SGK3: variants seen among roughly 807,000 people sequenced by gnomAD.
The protein encoded by SGK3 is serine/threonine-protein kinase Sgk3.
SGK3 carries 47 observed loss-of-function variants against 68.5 expected under a neutral mutation model. That is an observed-to-expected ratio of 0.69 (90% confidence interval 0.54 to 0.87). SGK3 has a LOEUF of 0.87. Among genes scored for constraint, SGK3 ranks in the 40% least tolerant of loss-of-function variants. The pLI, the probability that SGK3 is intolerant of heterozygous loss-of-function variation, is 0.00. For missense variants in SGK3, 479 were observed against 575.5 expected, an observed-to-expected ratio of 0.83 and a Z score of 1.72; for synonymous variants, 181 against 189.1, an observed-to-expected ratio of 0.96 and a Z score of 0.35.
chr8:66,717,234 A>C (rs992921694), intron 1 of SGK3, among the ~76,000 whole-genome samples: 7 of 116,622 alleles, frequency 6.0e-5, no homozygotes, highest in Admixed American at 4.0e-4. Context: ...AAAACAAAAA[A>C]AACAAAAAAA....
At chr8:66,788,118 G>A (rs1435724048) in intron 1 of SGK3, among the ~76,000 whole-genome samples, 1 of 152,156 alleles carries the variant, frequency 6.6e-6, no homozygotes, top group African/African-American at 2.4e-5. Context: ...CTCCCTATGA[G>A]GCCTTAAATG....
intron 1 of SGK3, among the ~76,000 whole-genome samples, chr8:66,786,378 C>T (rs900752748): frequency 2.0e-5 from 3 of 152,144 alleles, no homozygotes; most frequent in Non-Finnish European, 4.4e-5. Flanking sequence ...TCAGTTTCTC[C>T]TCAATTTCTT....
chr8:66,808,641 G>A (rs1808258561), intron 4 of SGK3, among the ~76,000 whole-genome samples: 2 of 151,122 alleles, frequency 1.3e-5, no homozygotes, highest in Admixed American at 1.3e-4. Flanking sequence ...AACCTCATGA[G>A]TAGCTGGGAT....
At chr8:66,741,132 C>T (rs1805466693) in intron 1 of SGK3, among the ~76,000 whole-genome samples, 1 of 152,098 alleles carries the variant, frequency 6.6e-6, no homozygotes, top group Admixed American at 6.6e-5. Context: ...CAGAGTAAGT[C>T]TGGACAGTTT....
intron 1 of SGK3, among the ~76,000 whole-genome samples, chr8:66,718,568 G>A (rs1380753536): frequency 6.6e-6 from 1 of 151,150 alleles, no homozygotes; most frequent in African/African-American, 2.4e-5. Context: ...TCACTGTGTT[G>A]CTCCCACTGG....
intron 1 of SGK3, chr8:66,790,643 G>C (rs1029959773): frequency 2.6e-5 from 4 of 152,186 alleles, no homozygotes; most frequent in African/African-American, 9.6e-5. Context: ...GAATAAAACA[G>C]CCATGGATTT....
At chr8:66,784,779 C>A (rs1408613434) in intron 1 of SGK3, among the ~76,000 whole-genome samples, 1 of 152,034 alleles carries the variant, frequency 6.6e-6, no homozygotes, top group Non-Finnish European at 1.5e-5. Context: ...AGAATTTGGG[C>A]AATTTTTTAT....
chr8:66,793,873 G>T, intron 2 of SGK3, 41 bp downstream of exon 2: 1 of 1,587,226 alleles, frequency 6.3e-7, no homozygotes, highest in Non-Finnish European at 8.6e-7. Context: ...AAAGTTGAAT[G>T]TAGAGAATAT....
intron 1 of SGK3, among the ~76,000 whole-genome samples, chr8:66,726,875 T>C (rs1805001302): frequency 6.6e-6 from 1 of 151,384 alleles, no homozygotes; most frequent in Non-Finnish European, 1.5e-5. Context: ...TTGAATATCT[T>C]ATGCTGTTAT....
chr8:66,814,004 T>G (rs1808482479), intron 5 of SGK3, 76 bp downstream of exon 5: 2 of 1,282,312 alleles, frequency 1.6e-6, no homozygotes, highest in Non-Finnish European at 2.1e-6. Context: ...TATATAAATT[T>G]TGTTTGTTCT....
rs761047258 is a variant in SGK3 at position 66,804,448 on chromosome 8, G to C, written c.253+1G>C. ...ATATTTGGTGATAATTTTGATCCAG[G>C]TAAGAAACAACTTCATAGGCCAGCT... is the stretch of plus-strand genomic sequence containing the variant. On this transcript the variant is annotated splice_donor_variant, in intron 4 of 16. Coordinates refer to ENST00000521198, the MANE Select transcript of SGK3 (RefSeq NM_001033578.3). LOFTEE classifies it high-confidence loss of function. 4 of 1,612,242 alleles carry C rather than the reference G, an allele frequency of 2.5e-6. No individual in the cohort carries two copies. Among genetic ancestry groups the C allele is most frequent in the Non-Finnish European group, 2.5e-6 (3 of 1,179,322 alleles).
intron 3 of SGK3, among the ~76,000 whole-genome samples, chr8:66,798,847 T>C (rs777019180): frequency 2.6e-5 from 4 of 152,202 alleles, no homozygotes; most frequent in Non-Finnish European, 5.9e-5. Flanking sequence ...ATTAAAAATA[T>C]GAGAACTAGA....
chr8:66,821,653 C>A (rs1460239529), intron 5 of SGK3, among the ~76,000 whole-genome samples: 8 of 150,132 alleles, frequency 5.3e-5, no homozygotes, highest in African/African-American at 1.5e-4. Context: ...GCTGGGACTA[C>A]AGGTGTCCGC....
intron 10 of SGK3, 104 bp from the exon 11 acceptor site, chr8:66,839,897 CAA>C: frequency 9.2e-7 from 1 of 1,085,542 alleles, no homozygotes; most frequent in Non-Finnish European, 1.3e-6. Context: ...TTCAAAGTAA[CAA>C]AGAACAATTC....
At chr8:66,735,774 C>T (rs1288918392) in intron 1 of SGK3, among the ~76,000 whole-genome samples, 16 of 151,284 alleles carry the variant, frequency 1.1e-4, no homozygotes, top group Admixed American at 7.9e-4. Flanking sequence ...TCTTTTTTTT[C>T]TTAACCCTTC....
intron 1 of SGK3, among the ~76,000 whole-genome samples, chr8:66,776,080 C>T (rs925661741): frequency 6.6e-6 from 1 of 152,160 alleles, no homozygotes; most frequent in Admixed American, 6.5e-5. Flanking sequence ...TTGTCATCAC[C>T]GGAAAACCTA....
intron 1 of SGK3, among the ~76,000 whole-genome samples, chr8:66,785,987 C>G (rs531507148): frequency 6.6e-6 from 1 of 152,302 alleles, no homozygotes; most frequent in South Asian, 2.1e-4. Context: ...CCCAAAAAGT[C>G]CCAGTTTTAA....
At chr8:66,835,657 A>T in intron 8 of SGK3, 106 bp from the exon 9 acceptor site, 4 of 1,244,588 alleles carry the variant, frequency 3.2e-6, no homozygotes, top group Non-Finnish European at 1.1e-6. Context: ...TCCCTTATGG[A>T]CTTTCTTTTT....
chr8:66,797,592 G>A (rs1399899016), intron 2 of SGK3, among the ~76,000 whole-genome samples: 1 of 152,118 alleles, frequency 6.6e-6, no homozygotes, highest in Non-Finnish European at 1.5e-5. Flanking sequence ...ATGAGGTTAT[G>A]TATATTTGAA....
Sources: gnomAD v4.1 joint callset for allele counts (sites outside exome capture counted in the v4.1 genomes callset) on GRCh38, gnomAD v4.1.1 for gene constraint, MANE v1.5 for transcripts, NCBI Gene and HGNC (gene_info 2026-07-23, HGNC 2026-07-21) for gene names.